The following EPHB1 variants were observed in gnomAD, a reference collection of about 807,000 sequenced individuals.
The protein encoded by EPHB1 is ephrin type-B receptor 1.
In EPHB1, 30 loss-of-function variants were observed where a neutral mutation model predicts 94.4. The ratio of observed to expected loss-of-function variants is 0.32; its 90% CI spans 0.24 to 0.43. The LOEUF is 0.43. Ranked by LOEUF, EPHB1 falls within the 20% of genes least tolerant of loss-of-function variation. The pLI, the probability that EPHB1 is intolerant of heterozygous loss-of-function variation, is 1.00. For synonymous variants in EPHB1, 522 were observed against 489.1 expected (o/e 1.07, Z -0.89); for missense variants, 1,055 against 1,308.3 (o/e 0.81, Z 2.99).
chr3:135,110,714 C>T (rs1394676323), intron 4 of EPHB1, among the ~76,000 whole-genome samples: 2 of 152,240 alleles, frequency 1.3e-5, no homozygotes, highest in Admixed American at 6.5e-5. Flanking sequence ...GTTATTCTCA[C>T]TCATGAATCT....
chr3:134,890,661 C>T (rs1463090761), intron 1 of EPHB1, among the ~76,000 whole-genome samples: 1 of 152,154 alleles, frequency 6.6e-6, no homozygotes, highest in Non-Finnish European at 1.5e-5. Context: ...ATTAGCTTGA[C>T]TATTCCCTAA....
chr3:135,136,952 C>T (rs1940640968), intron 5 of EPHB1, among the ~76,000 whole-genome samples: 2 of 152,252 alleles, frequency 1.3e-5, no homozygotes, highest in South Asian at 4.1e-4. Context: ...GTTATCACCA[C>T]TAACTCCTGC....
chr3:135,122,958 A>G (rs528107017), intron 4 of EPHB1, among the ~76,000 whole-genome samples: 1 of 152,210 alleles, frequency 6.6e-6, no homozygotes, highest in African/African-American at 2.4e-5. Context: ...CTCGCTTAGC[A>G]TAGTCCTGGA....
Position 134,795,347 on chromosome 3 carries a change from C to T in EPHB1, c.-285C>T. 1 of 497,018 alleles carries T rather than the reference C, an allele frequency of 2.0e-6. No homozygotes were observed. Among genetic ancestry groups the T allele is most frequent in the African/African-American group, 2.0e-5 (1 of 48,898 alleles). 30.8% of individuals were successfully genotyped at this position (497,018 alleles called of 1,614,324 possible). ...ACTCGCTCTCGCGCGCTCTCCCAGG[C>T]TCGTTCTCCCTCGCCCTCTCTCTCT... On this transcript the variant is annotated 5_prime_UTR_variant, in exon 1 of 16. Transcript: ENST00000398015.
At chr3:134,915,808 T>C (rs991117446) in intron 1 of EPHB1, among the ~76,000 whole-genome samples, 4 of 151,780 alleles carry the variant, frequency 2.6e-5, no homozygotes, top group Non-Finnish European at 1.5e-5. Context: ...TCGCGGTGAG[T>C]GTTACATCTC....
chr3:135,092,298 C>A (rs1026184073), intron 3 of EPHB1, among the ~76,000 whole-genome samples: 2 of 152,140 alleles, frequency 1.3e-5, no homozygotes, highest in Non-Finnish European at 2.9e-5. Context: ...TCAGAGTGAC[C>A]AAAGTGATGG....
intron 3 of EPHB1, among the ~76,000 whole-genome samples, chr3:135,019,527 A>T (rs1257901566): frequency 6.6e-6 from 1 of 152,230 alleles, no homozygotes; most frequent in African/African-American, 2.4e-5. Flanking sequence ...AACATGGAAG[A>T]TATGGGAGAT....
At position 134,987,100 on chromosome 3, in the gene EPHB1, A is replaced by G. The variant is rs546759622; in HGVS notation, c.805+35048A>G. 1.4e-4 allele frequency among the ~76,000 whole-genome samples: 22 copies of G among 152,320 alleles called. No individual in the cohort carries two copies. In the South Asian group the frequency reaches 4.4e-3, roughly 30 times the overall value. On this transcript the variant is annotated intron_variant, in intron 3 of 15. Coordinates refer to ENST00000398015, the MANE Select transcript of EPHB1 (RefSeq NM_004441.5). ...GACCATGAAATACTGGGCACTCACTATTCCTCAAATGTTAGCCTATCATGC... is the reference window on the plus strand; with the variant it reads ...GACCATGAAATACTGGGCACTCACTGTTCCTCAAATGTTAGCCTATCATGC...
At chr3:135,242,256 C>T (rs1943803484) in intron 13 of EPHB1, among the ~76,000 whole-genome samples, 1 of 152,190 alleles carries the variant, frequency 6.6e-6, no homozygotes, top group Non-Finnish European at 1.5e-5. Flanking sequence ...TTGCCCTTCC[C>T]ATCACTTTGG....
At chr3:135,095,437 A>T (rs527414684) in intron 3 of EPHB1, among the ~76,000 whole-genome samples, 42 of 152,196 alleles carry the variant, frequency 2.8e-4, no homozygotes, top group African/African-American at 9.9e-4. Context: ...ACCCTAATCC[A>T]TTATCACCTT....
intron 4 of EPHB1, among the ~76,000 whole-genome samples, chr3:135,115,915 A>G (rs552506644): frequency 6.6e-6 from 1 of 152,288 alleles, no homozygotes; most frequent in African/African-American, 2.4e-5. Context: ...AAGATATGCA[A>G]TTAAAAATAA....
intron 4 of EPHB1, among the ~76,000 whole-genome samples, chr3:135,116,681 C>A (rs1312010724): frequency 6.6e-6 from 1 of 152,220 alleles, no homozygotes; most frequent in African/African-American, 2.4e-5. Context: ...CCCTGAATCC[C>A]ATTGCACTGG....
chr3:135,072,904 GTTGGCCCCTACATT>G (rs1390776183), intron 3 of EPHB1, among the ~76,000 whole-genome samples: 2 of 152,072 alleles, frequency 1.3e-5, no homozygotes, highest in Admixed American at 1.3e-4. Context: ...CTTGATTTGA[GTTGGCCCCTACATT>G]TTCCAGTTGA....
intron 2 of EPHB1, among the ~76,000 whole-genome samples, chr3:134,945,431 T>C (rs1161219612): frequency 1.3e-5 from 2 of 152,158 alleles, no homozygotes; most frequent in Non-Finnish European, 2.9e-5. Context: ...GGAACAAAAG[T>C]TATGTTTTCT....
At chr3:135,242,770 A>G (rs149034198) in intron 13 of EPHB1, among the ~76,000 whole-genome samples, 1 of 152,264 alleles carries the variant, frequency 6.6e-6, no homozygotes, top group Non-Finnish European at 1.5e-5. Flanking sequence ...AAATAAGTAT[A>G]ACATGTTAGT....
At chr3:135,176,658 G>C (rs1371313276) in intron 9 of EPHB1, among the ~76,000 whole-genome samples, 2 of 152,170 alleles carry the variant, frequency 1.3e-5, no homozygotes, top group Non-Finnish European at 2.9e-5. Context: ...CGCATTACTG[G>C]CCCAAAAGAA....
chr3:134,986,711 A>ACACACACACAC lies in EPHB1; in HGVS notation c.805+34659_805+34660insCACACACACAC, dbSNP rs138369571. On this transcript the variant is annotated intron_variant, in intron 3 of 15. Coordinates refer to ENST00000398015, the MANE Select transcript of EPHB1 (RefSeq NM_004441.5). ...TATAAACTTTTGATTTAAAGATATT[A>ACACACACACAC]ACACACACACACACACACACACACA... 4.1e-5 allele frequency among the ~76,000 whole-genome samples: 6 copies of ACACACACACAC among 145,726 alleles called. No homozygotes were observed. The South Asian group carries it at 6.8e-4, about 16-fold the overall frequency.
intron 3 of EPHB1, among the ~76,000 whole-genome samples, chr3:135,075,098 T>C (rs1229582888): frequency 1.3e-5 from 2 of 152,194 alleles, no homozygotes; most frequent in Non-Finnish European, 2.9e-5. Context: ...GAGGAAAGAC[T>C]AGGTGCTGGA....
At chr3:135,139,748 A>G (rs1469625220) in intron 5 of EPHB1, among the ~76,000 whole-genome samples, 1 of 152,162 alleles carries the variant, frequency 6.6e-6, no homozygotes, top group African/African-American at 2.4e-5. Context: ...TTACATTTCA[A>G]AAGTTAGGAT....
Sources: gnomAD v4.1 joint callset for allele counts (sites outside exome capture counted in the v4.1 genomes callset) on GRCh38, gnomAD v4.1.1 for gene constraint, MANE v1.5 for transcripts, NCBI Gene and HGNC (gene_info 2026-07-23, HGNC 2026-07-21) for gene names.